Variants in NTRK2 observed in about 807,000 individuals in gnomAD.
The protein encoded by NTRK2 is neurotrophic receptor tyrosine kinase 2, also known as BDNF/NT-3 growth factors receptor.
A neutral mutation model predicts 94.5 loss-of-function variants in NTRK2; 13 were observed. The ratio of observed to expected loss-of-function variants is 0.14; its 90% confidence interval spans 0.09 to 0.22. NTRK2 has a LOEUF of 0.22. Among genes scored for constraint, NTRK2 ranks in the 10% least tolerant of loss-of-function variants. The probability of loss-of-function intolerance (pLI) is 1.00; values close to 1 mark genes in which losing one functional copy is unlikely to be tolerated. For synonymous variants in NTRK2, 372 were observed against 407.4 expected, an observed-to-expected ratio of 0.91 and a Z score of 1.05; for missense variants, 639 against 1,071.2, an observed-to-expected ratio of 0.60 and a Z score of 5.63.
chr9:84,991,806 AG>A (rs1377050062), intron 17 of NTRK2, among the ~76,000 whole-genome samples: 1 of 152,168 alleles, frequency 6.6e-6, no homozygotes, highest in African/African-American at 2.4e-5. Context: ...AGGAACAGCC[AG>A]GGCTCTTTAG....
At chr9:84,943,300 T>C (rs1041271204) in intron 15 of NTRK2, among the ~76,000 whole-genome samples, 2 of 152,238 alleles carry the variant, frequency 1.3e-5, no homozygotes, top group African/African-American at 4.8e-5. Flanking sequence ...TTACTAGCTT[T>C]CCATTAACCT....
intron 17 of NTRK2, among the ~76,000 whole-genome samples, chr9:84,980,463 A>T (rs1305513069): frequency 2.6e-5 from 4 of 152,208 alleles, no homozygotes; most frequent in African/African-American, 9.6e-5. Context: ...CACTCTTAAA[A>T]TAGTTGCACA....
At position 85,021,548 on chromosome 9, in the gene NTRK2, C is replaced by T; in HGVS notation, c.*111C>T. The T allele has an allele frequency of 9.6e-7, 1 of 1,039,340 alleles. No individual in the cohort carries two copies. Among genetic ancestry groups the T allele is most frequent in the Non-Finnish European group, 1.5e-6 (1 of 662,440 alleles). 64.4% of individuals were successfully genotyped at this position (1,039,340 alleles called of 1,614,324 possible). A position where few individuals can be genotyped will look rare whatever the true frequency, so the allele number is the denominator to read the frequency against. On this transcript the variant is annotated 3_prime_UTR_variant, in exon 19 of 19. Transcript: ENST00000277120. The stretch of plus-strand genomic sequence containing the variant: ...ACCAAGCTGCTCTCCTTCACTCTGA[C>T]AGTATTAACATCAAAGACTCCGAGA...
At chr9:84,920,487 T>G (rs1564464866) in intron 14 of NTRK2, among the ~76,000 whole-genome samples, 1 of 152,148 alleles carries the variant, frequency 6.6e-6, no homozygotes, top group Non-Finnish European at 1.5e-5. Context: ...TCCTTTGTGC[T>G]TAAGCTCTTT....
intron 14 of NTRK2, among the ~76,000 whole-genome samples, chr9:84,931,261 G>T (rs780037526): frequency 2.0e-5 from 3 of 152,042 alleles, no homozygotes; most frequent in Admixed American, 6.6e-5. Context: ...AAAAACATTA[G>T]CCAGGTGTGG....
At chr9:84,816,731 GTTGCGCCA>G (rs1427928300) in intron 12 of NTRK2, among the ~76,000 whole-genome samples, 1 of 145,430 alleles carries the variant, frequency 6.9e-6, no homozygotes, top group Non-Finnish European at 1.5e-5. Context: ...GTGAGCCAAG[GTTGCGCCA>G]TTGCACTCCA....
At chr9:85,016,469 T>G (rs183874270) in intron 17 of NTRK2, among the ~76,000 whole-genome samples, 1 of 152,300 alleles carries the variant, frequency 6.6e-6, no homozygotes, top group Admixed American at 6.5e-5. Flanking sequence ...ATTCTGACTC[T>G]CAGTGTCATT....
intron 12 of NTRK2, among the ~76,000 whole-genome samples, chr9:84,855,928 C>A (rs976417585): frequency 3.3e-5 from 5 of 152,126 alleles, no homozygotes; most frequent in African/African-American, 9.7e-5. Context: ...GAAGTGGGAC[C>A]CATTGCTCTG....
At chr9:84,901,971 C>T (rs73476445) in intron 14 of NTRK2, among the ~76,000 whole-genome samples, 9,873 of 151,976 alleles carry the variant, frequency 0.065, 968 homozygotes, top group African/African-American at 0.21. Context: ...CTGGGGTGGG[C>T]GGATCACTTG....
At chr9:84,923,780 G>A (rs2077645316) in intron 14 of NTRK2, among the ~76,000 whole-genome samples, 1 of 152,048 alleles carries the variant, frequency 6.6e-6, no homozygotes, top group Non-Finnish European at 1.5e-5. Context: ...GCTGGGTATG[G>A]TGGCACACAC....
intron 12 of NTRK2, among the ~76,000 whole-genome samples, chr9:84,770,325 T>A (rs981316529): frequency 2.6e-5 from 4 of 152,144 alleles, no homozygotes; most frequent in African/African-American, 9.7e-5. Flanking sequence ...GGGCAAACTC[T>A]GTGGTATAAT....
intron 14 of NTRK2, among the ~76,000 whole-genome samples, chr9:84,906,303 T>G (rs2077073546): frequency 6.6e-6 from 1 of 151,460 alleles, no homozygotes; most frequent in African/African-American, 2.4e-5. Flanking sequence ...GTCACTGAAG[T>G]GGAAGGACAA....
intron 14 of NTRK2, among the ~76,000 whole-genome samples, chr9:84,899,272 A>G (rs1454728529): frequency 2.6e-5 from 4 of 152,240 alleles, no homozygotes; most frequent in Admixed American, 6.5e-5. Flanking sequence ...TAAAAACAAA[A>G]TTATCTTATC....
chr9:85,009,819 T>C (rs1306017042), intron 17 of NTRK2, among the ~76,000 whole-genome samples: 1 of 152,186 alleles, frequency 6.6e-6, no homozygotes, highest in African/African-American at 2.4e-5. Context: ...CAGGTTAGCA[T>C]TTAGAATTCT....
At chr9:84,951,803 C>T (rs1348881550) in intron 16 of NTRK2, among the ~76,000 whole-genome samples, 5 of 152,140 alleles carry the variant, frequency 3.3e-5, no homozygotes, top group Non-Finnish European at 7.4e-5. Context: ...GTCCTCTTTC[C>T]GCAAGGGAGC....
chr9:84,693,848 A>G (rs1294883579), intron 2 of NTRK2, among the ~76,000 whole-genome samples: 1 of 152,130 alleles, frequency 6.6e-6, no homozygotes, highest in Admixed American at 6.5e-5. Flanking sequence ...TTTTCCAGGC[A>G]CTCAAATTTG....
chr9:84,694,311 C>T (rs141582267), intron 2 of NTRK2, among the ~76,000 whole-genome samples: 53 of 152,290 alleles, frequency 3.5e-4, no homozygotes, highest in African/African-American at 1.3e-3. Flanking sequence ...GGGTAGCCTT[C>T]TGGCTAACAC....
intron 17 of NTRK2, among the ~76,000 whole-genome samples, chr9:85,002,305 C>CT (rs1830421830): frequency 6.6e-6 from 1 of 152,190 alleles, no homozygotes; most frequent in African/African-American, 2.4e-5. Flanking sequence ...TTCTAACTGA[C>CT]TGAGTTTTCA....
chr9:84,854,071 C>CAA (rs563556897), intron 12 of NTRK2, among the ~76,000 whole-genome samples: 12 of 61,168 alleles, frequency 2.0e-4, no homozygotes, highest in African/African-American at 6.2e-4. Context: ...GACTCTGTCT[C>CAA]AAAAAAAAAA....
Sources: gnomAD v4.1 joint callset for allele counts (sites outside exome capture counted in the v4.1 genomes callset) on GRCh38, gnomAD v4.1.1 for gene constraint, MANE v1.5 for transcripts, NCBI Gene and HGNC (gene_info 2026-07-23, HGNC 2026-07-21) for gene names.